The following TMEM117 variants were observed in gnomAD, a reference collection of about 807,000 sequenced individuals.
TMEM117 encodes the protein transmembrane protein 117.
Under a neutral mutation model 52.4 loss-of-function variants are expected in TMEM117, and 27 were observed. That is an observed-to-expected ratio of 0.51 (90% confidence interval 0.38 to 0.71). TMEM117 has a LOEUF of 0.71. Among genes scored for constraint, TMEM117 ranks in the 30% least tolerant of loss-of-function variants. The probability of loss-of-function intolerance (pLI) is 0.00; values close to 1 mark genes in which losing one functional copy is unlikely to be tolerated. For missense variants in TMEM117, 556 were observed against 630.5 expected (o/e 0.88, Z 1.26); for synonymous variants, 215 against 206.3 (o/e 1.04, Z -0.36).
intron 3 of TMEM117, among the ~76,000 whole-genome samples, chr12:44,079,486 T>C (rs1947443190): frequency 1.3e-5 from 2 of 152,232 alleles, no homozygotes; most frequent in South Asian, 4.1e-4. Flanking sequence ...TTTTTTCATA[T>C]GTTTGTTGAC....
chr12:44,321,811 CATT>C (rs1027950186), intron 6 of TMEM117, among the ~76,000 whole-genome samples: 2 of 152,142 alleles, frequency 1.3e-5, no homozygotes, highest in Non-Finnish European at 2.9e-5. Context: ...ATATTAATAA[CATT>C]AGTGTGTATT....
At chr12:44,022,727 G>C (rs908863307) in intron 3 of TMEM117, among the ~76,000 whole-genome samples, 1 of 152,170 alleles carries the variant, frequency 6.6e-6, no homozygotes, top group African/African-American at 2.4e-5. Flanking sequence ...ATAACACTCA[G>C]CAATAAAAGT....
intron 2 of TMEM117, among the ~76,000 whole-genome samples, chr12:43,938,041 T>C (rs1291747696): frequency 6.6e-6 from 1 of 151,912 alleles, no homozygotes; most frequent in African/African-American, 2.4e-5. Flanking sequence ...AAGAATTCTC[T>C]GTCTGGCTCC....
intron 3 of TMEM117, among the ~76,000 whole-genome samples, chr12:43,957,405 A>G (rs1307815484): frequency 5.3e-5 from 8 of 152,218 alleles, no homozygotes; most frequent in Admixed American, 4.6e-4. Flanking sequence ...TCACAGTTGA[A>G]CTTTTGCAGT....
chr12:44,214,137 A>ATTT (rs1949683730), intron 5 of TMEM117, among the ~76,000 whole-genome samples: 2 of 93,410 alleles, frequency 2.1e-5, no homozygotes, highest in South Asian at 2.9e-4. Flanking sequence ...TTTTTTTTTT[A>ATTT]ATTTTTTTTT....
chr12:44,208,184 C>G (rs942005346), intron 4 of TMEM117, among the ~76,000 whole-genome samples: 4 of 152,054 alleles, frequency 2.6e-5, no homozygotes, highest in African/African-American at 9.7e-5. Flanking sequence ...TTTTAAACCT[C>G]AAAATGCATG....
In TMEM117 at chr12:44,305,235, A is replaced by T. The variant is rs942485102; in HGVS notation, c.768+5496A>T. Among the ~76,000 whole-genome samples the T allele has an allele frequency of 2.9e-5, 4 of 138,096 alleles. No individual in the cohort carries two copies. The South Asian group carries it at 7.6e-4, about 26-fold the overall frequency. 90.6% of individuals were successfully genotyped at this position (138,096 alleles called of 152,430 possible). A position where few individuals can be genotyped will look rare whatever the true frequency, so the allele number is the denominator to read the frequency against. On this transcript the variant is annotated intron_variant, in intron 6 of 7. Coordinates refer to ENST00000266534, the MANE Select transcript of TMEM117 (RefSeq NM_032256.3). ...TGAGGAAAGACTCTTCCTTCTTGAC[A>T]TTGGCTTTGGCAAAGAATTTATGAC... is the stretch of plus-strand genomic sequence containing the variant.
chr12:43,850,495 G>GT (rs772020639), intron 2 of TMEM117, among the ~76,000 whole-genome samples: 1 of 152,104 alleles, frequency 6.6e-6, no homozygotes, highest in Non-Finnish European at 1.5e-5. Flanking sequence ...ATGTCCCAGT[G>GT]TTTTTTTGCG....
intron 2 of TMEM117, among the ~76,000 whole-genome samples, chr12:43,850,709 A>G (rs1490350577): frequency 6.6e-6 from 1 of 152,206 alleles, no homozygotes; most frequent in Non-Finnish European, 1.5e-5. Context: ...TGATAGGGAA[A>G]ATAATTAAAA....
At chr12:44,249,221 T>C (rs1259438793) in intron 5 of TMEM117, among the ~76,000 whole-genome samples, 1 of 151,720 alleles carries the variant, frequency 6.6e-6, no homozygotes, top group Non-Finnish European at 1.5e-5. Flanking sequence ...GGGGTTTGTA[T>C]TCAAATGTAT....
chr12:44,173,988 A>G (rs1949084147), intron 4 of TMEM117, among the ~76,000 whole-genome samples: 1 of 152,164 alleles, frequency 6.6e-6, no homozygotes, highest in South Asian at 2.1e-4. Context: ...AGAGAAATCA[A>G]TTCTCCATAC....
chr12:43,993,600 GA>G (rs1024330809), intron 3 of TMEM117, among the ~76,000 whole-genome samples: 1 of 151,814 alleles, frequency 6.6e-6, no homozygotes, highest in Non-Finnish European at 1.5e-5. Flanking sequence ...GGAGGGAGGT[GA>G]AAAAAACATC....
intron 4 of TMEM117, among the ~76,000 whole-genome samples, chr12:44,208,699 A>T (rs1949603578): frequency 6.8e-6 from 1 of 147,100 alleles, no homozygotes; most frequent in Non-Finnish European, 1.5e-5. Context: ...GGTGGCAAAG[A>T]TCAGCTGCCT....
intron 4 of TMEM117, among the ~76,000 whole-genome samples, chr12:44,149,495 A>G (rs1031456635): frequency 1.6e-4 from 24 of 152,238 alleles, no homozygotes; most frequent in African/African-American, 5.5e-4. Flanking sequence ...TTATAATTAT[A>G]TAAACATACA....
At chr12:44,377,369 T>C (rs968091359) in intron 7 of TMEM117, among the ~76,000 whole-genome samples, 1 of 152,162 alleles carries the variant, frequency 6.6e-6, no homozygotes, top group African/African-American at 2.4e-5. Context: ...TCAGAACATA[T>C]GTCTTTAGGG....
chr12:44,296,708 A>C (rs2138633776), intron 5 of TMEM117, among the ~76,000 whole-genome samples: 1 of 152,290 alleles, frequency 6.6e-6, no homozygotes, highest in Non-Finnish European at 1.5e-5. Flanking sequence ...GTGGGAAGAA[A>C]TGCTGTCAGA....
intron 3 of TMEM117, among the ~76,000 whole-genome samples, chr12:44,089,579 T>G (rs1947628718): frequency 6.6e-6 from 1 of 152,140 alleles, no homozygotes; most frequent in Admixed American, 6.5e-5. Flanking sequence ...GATTTTCACC[T>G]CTGCACTTTT....
chr12:44,036,691 A>T (rs749106453), intron 3 of TMEM117, among the ~76,000 whole-genome samples: 1 of 152,214 alleles, frequency 6.6e-6, no homozygotes, highest in African/African-American at 2.4e-5. Flanking sequence ...GTTGCTAAGA[A>T]CATTCTTGTA....
chr12:43,887,095 C>A (rs1007427280), intron 2 of TMEM117, among the ~76,000 whole-genome samples: 1 of 152,118 alleles, frequency 6.6e-6, no homozygotes, highest in Non-Finnish European at 1.5e-5. Flanking sequence ...GTGACCCGCC[C>A]TCCTAGGCCT....
Sources: allele counts gnomAD v4.1 joint callset (sites outside exome capture counted in the v4.1 genomes callset), GRCh38; gene constraint gnomAD v4.1.1; transcripts MANE v1.5; gene names NCBI Gene and HGNC (gene_info 2026-07-23, HGNC 2026-07-21).